Variants in TBC1D22A observed in about 807,000 individuals in gnomAD.
TBC1D22A encodes the protein putative GTPase activator.
Under a neutral mutation model 60.2 loss-of-function variants are expected in TBC1D22A, and 38 were observed. The ratio of observed to expected loss-of-function variants is 0.63; its 90% CI spans 0.49 to 0.83. The LOEUF is 0.83. Among genes scored for constraint, TBC1D22A ranks in the 40% least tolerant of loss-of-function variants. The pLI is 0.00. For missense variants in TBC1D22A, 628 were observed against 701.0 expected (o/e 0.90, Z 1.18); for synonymous variants, 302 against 281.7 (o/e 1.07, Z -0.72).
chr22:47,011,991 C>T (rs752839469), intron 10 of TBC1D22A, among the ~76,000 whole-genome samples: 4 of 152,026 alleles, frequency 2.6e-5, no homozygotes, highest in Non-Finnish European at 4.4e-5. Context: ...TTTCCCACCC[C>T]GCTCTGCCTT....
intron 10 of TBC1D22A, among the ~76,000 whole-genome samples, chr22:47,022,544 T>G (rs373626418): frequency 1.4e-5 from 2 of 147,408 alleles, no homozygotes; most frequent in South Asian, 4.2e-4. Context: ...AGAGCGAGAC[T>G]CTGTCTCAAA....
chr22:47,156,755 A>C (rs879377565), intron 12 of TBC1D22A, among the ~76,000 whole-genome samples: 1 of 152,002 alleles, frequency 6.6e-6, no homozygotes, highest in African/African-American at 2.4e-5. Context: ...GTGTAAGTGC[A>C]CTTGCCTGCG....
At chr22:46,982,033 TG>T (rs1199666155) in intron 9 of TBC1D22A, among the ~76,000 whole-genome samples, 2 of 152,122 alleles carry the variant, frequency 1.3e-5, no homozygotes, top group East Asian at 3.9e-4. Flanking sequence ...TAGACTAAGC[TG>T]GGACTCCATG....
chr22:46,956,112 A>ATG (rs563731269), intron 8 of TBC1D22A, among the ~76,000 whole-genome samples: 2,292 of 151,622 alleles, frequency 0.015, 34 homozygotes, highest in South Asian at 0.034. Flanking sequence ...TTTATTGAAA[A>ATG]TGTGTGTGTG....
At chr22:46,807,185 C>T (rs1051958688) in intron 4 of TBC1D22A, among the ~76,000 whole-genome samples, 17 of 152,048 alleles carry the variant, frequency 1.1e-4, no homozygotes, top group Admixed American at 8.5e-4. Context: ...CAGCGTGGAA[C>T]GATGGAGGAT....
At chr22:47,038,454 T>A (rs2062729637) in intron 11 of TBC1D22A, among the ~76,000 whole-genome samples, 1 of 152,158 alleles carries the variant, frequency 6.6e-6, no homozygotes, top group Admixed American at 6.5e-5. Context: ...AGGCTGGGCA[T>A]CACAGAGCAG....
chr22:46,797,172 C>T (rs1293111643), intron 3 of TBC1D22A, among the ~76,000 whole-genome samples: 3 of 152,244 alleles, frequency 2.0e-5, no homozygotes, highest in Admixed American at 1.3e-4. Flanking sequence ...GACCTCCACA[C>T]AGCCCGAGGG....
At chr22:47,136,330 C>CCCA (rs2066871472) in intron 12 of TBC1D22A, among the ~76,000 whole-genome samples, 1 of 152,224 alleles carries the variant, frequency 6.6e-6, no homozygotes, top group Non-Finnish European at 1.5e-5. Flanking sequence ...AGGATTCAGC[C>CCCA]GGTCTCCCCC....
intron 11 of TBC1D22A, among the ~76,000 whole-genome samples, chr22:47,078,713 G>T (rs2064328842): frequency 6.6e-6 from 1 of 152,222 alleles, no homozygotes; most frequent in East Asian, 1.9e-4. Context: ...AGTGTCTGCT[G>T]CACTACCTGT....
chr22:46,985,205 A>G lies in TBC1D22A; in HGVS notation c.1125+10806A>G, dbSNP rs185681737. ...TGAGCTCTGATTTGGCATTTGTTGT[A>G]TACGTCAAGAAGCAGAGTCTTCACC... On this transcript the variant is annotated intron_variant, in intron 9 of 12. Transcript: ENST00000337137. 3.0e-4 allele frequency among the ~76,000 whole-genome samples: 45 copies of G among 152,318 alleles called. 1 individual carries two copies. The highest frequency in any genetic ancestry group is 2.9e-3 in the Admixed American group (45 of 15,308).
chr22:47,136,683 G>A (rs1219825685), intron 12 of TBC1D22A, among the ~76,000 whole-genome samples: 2 of 151,476 alleles, frequency 1.3e-5, no homozygotes, highest in Non-Finnish European at 2.9e-5. Context: ...ATTCTGAGTG[G>A]CCTTTCAGCA....
intron 12 of TBC1D22A, among the ~76,000 whole-genome samples, chr22:47,144,391 T>G (rs1234623142): frequency 6.6e-6 from 1 of 152,182 alleles, no homozygotes; most frequent in Admixed American, 6.5e-5. Context: ...AGCATAAAGA[T>G]GAAGAAGTGA....
chr22:46,923,432 G>C (rs2070869035), intron 8 of TBC1D22A, among the ~76,000 whole-genome samples: 1 of 152,240 alleles, frequency 6.6e-6, no homozygotes, highest in Non-Finnish European at 1.5e-5. Context: ...GTGTGAATCT[G>C]GGCCCTTCCC....
intron 4 of TBC1D22A, among the ~76,000 whole-genome samples, chr22:46,852,787 C>T (rs1340183545): frequency 6.6e-6 from 1 of 152,202 alleles, no homozygotes; most frequent in Non-Finnish European, 1.5e-5. Context: ...TTGGCTGTTT[C>T]CTGGCTGCAT....
At chr22:47,162,866 C>T (rs1250482688) in intron 12 of TBC1D22A, among the ~76,000 whole-genome samples, 1 of 151,830 alleles carries the variant, frequency 6.6e-6, no homozygotes, top group African/African-American at 2.4e-5. Flanking sequence ...GTAGGCACTT[C>T]CTCGTGGTCT....
At chr22:47,172,911 C>A (rs185137119) in intron 12 of TBC1D22A, among the ~76,000 whole-genome samples, 125 of 152,370 alleles carry the variant, frequency 8.2e-4, no homozygotes, top group African/African-American at 2.9e-3. Flanking sequence ...CGGCTCCGTT[C>A]TGTGATCCCC....
At chr22:47,112,670 G>A (rs1186428680) in intron 12 of TBC1D22A, among the ~76,000 whole-genome samples, 11 of 152,324 alleles carry the variant, frequency 7.2e-5, no homozygotes, top group African/African-American at 2.4e-4. Context: ...AACCCAGCCC[G>A]GGTGTTCGCA....
chr22:46,767,191 G>A (rs944571907), intron 1 of TBC1D22A, among the ~76,000 whole-genome samples: 1 of 152,300 alleles, frequency 6.6e-6, no homozygotes, highest in African/African-American at 2.4e-5. Context: ...GCCAGGATGT[G>A]TGGTGTGGTA....
At chr22:47,075,524 A>G (rs890679123) in intron 11 of TBC1D22A, among the ~76,000 whole-genome samples, 1 of 152,168 alleles carries the variant, frequency 6.6e-6, no homozygotes, top group African/African-American at 2.4e-5. Flanking sequence ...CCTCAGTGTT[A>G]AAGGGTGACC....
Sources: allele counts gnomAD v4.1 joint callset (sites outside exome capture counted in the v4.1 genomes callset), GRCh38; gene constraint gnomAD v4.1.1; transcripts MANE v1.5; gene names NCBI Gene and HGNC (gene_info 2026-07-23, HGNC 2026-07-21).